The following DNAH11 variants were observed in gnomAD, a reference collection of about 807,000 sequenced individuals.
The protein encoded by DNAH11 is dynein axonemal heavy chain 11, also known as axonemal beta dynein heavy chain 11.
In DNAH11, 442 loss-of-function variants were observed where a neutral mutation model predicts 526.0. The ratio of observed to expected loss-of-function variants is 0.84; its 90% CI spans 0.78 to 0.91. DNAH11 has a LOEUF of 0.91. Among genes scored for constraint, DNAH11 ranks in the 40% least tolerant of loss-of-function variants. The pLI, the probability that DNAH11 is intolerant of heterozygous loss-of-function variation, is 0.00. For synonymous variants in DNAH11, 2,461 were observed against 1,935.9 expected, an observed-to-expected ratio of 1.27 and a Z score of -7.12; for missense variants, 6,989 against 5,448.7, an observed-to-expected ratio of 1.28 and a Z score of -8.90.
intron 54 of DNAH11, among the ~76,000 whole-genome samples, chr7:21,761,180 T>G (rs1031401604): frequency 6.6e-6 from 1 of 152,188 alleles, no homozygotes; most frequent in African/African-American, 2.4e-5. Flanking sequence ...ATGACACCAC[T>G]AGCAAGGAAA....
At chr7:21,773,441 T>C (rs1261619414) in intron 55 of DNAH11, among the ~76,000 whole-genome samples, 2 of 152,118 alleles carry the variant, frequency 1.3e-5, no homozygotes, top group African/African-American at 2.4e-5. Flanking sequence ...ATATTGTGTC[T>C]GTTTCTCCAC....
intron 66 of DNAH11, among the ~76,000 whole-genome samples, chr7:21,844,279 A>T (rs986307977): frequency 6.6e-5 from 10 of 152,168 alleles, no homozygotes; most frequent in African/African-American, 2.2e-4. Context: ...ACAAAAAATT[A>T]GCCAAGTGTG....
intron 30 of DNAH11, among the ~76,000 whole-genome samples, chr7:21,674,204 C>T (rs976736623): frequency 3.3e-5 from 5 of 151,594 alleles, no homozygotes; most frequent in East Asian, 1.9e-4. Context: ...GAGTTATAGG[C>T]GTGATCATGC....
intron 37 of DNAH11, among the ~76,000 whole-genome samples, chr7:21,703,932 T>C (rs1393299776): frequency 6.6e-6 from 1 of 152,206 alleles, no homozygotes; most frequent in East Asian, 1.9e-4. Flanking sequence ...TTTTTAAAAT[T>C]TTTGTTGGAA....
rs1276808115 is a variant in DNAH11 at position 21,617,631 on chromosome 7, C to T, written c.4108C>T (p.Leu1370Phe). ...CACTTTTCTTTAGGAAATTTGGTCACTCAACAAGGAAGTCCGCGTCTGGGA... is the reference window on the plus strand; with the variant it reads ...CACTTTTCTTTAGGAAATTTGGTCATTCAACAAGGAAGTCCGCGTCTGGGA... Reference protein sequence around the residue: ...LRRFAKEIWSLNKEVRVWDAY... With the variant: ...LRRFAKEIWSFNKEVRVWDAY... Residue 1370 changes from leucine to phenylalanine, a missense_variant, in exon 23 of 82, where the codon CTC becomes TTC. Physicochemically the swap from Leu to Phe is conservative, Grantham distance 22. Coordinates refer to ENST00000409508, the MANE Select transcript of DNAH11 (RefSeq NM_001277115.2). 3 of 1,613,732 alleles carry T rather than the reference C, an allele frequency of 1.9e-6. No homozygotes were observed. The highest frequency in any genetic ancestry group is 1.7e-5 in the Admixed American group (1 of 59,932).
chr7:21,847,131 T>C (rs544312913), intron 66 of DNAH11, among the ~76,000 whole-genome samples: 155 of 152,298 alleles, frequency 1.0e-3, no homozygotes, highest in African/African-American at 3.6e-3. Flanking sequence ...TCCTTTCAAA[T>C]AATCAGCTTT....
At chr7:21,559,457 CTCAAA>C in intron 3 of DNAH11, 141 bp from the exon 4 acceptor site, 3 of 681,156 alleles carry the variant, frequency 4.4e-6, no homozygotes, top group Non-Finnish European at 4.7e-6. Flanking sequence ...AACCCCACAA[CTCAAA>C]TCAAGACCAT....
chr7:21,608,420 T>C (rs1338745130), intron 20 of DNAH11, among the ~76,000 whole-genome samples: 1 of 152,242 alleles, frequency 6.6e-6, no homozygotes, highest in Non-Finnish European at 1.5e-5. Context: ...ATCTAGCCTG[T>C]CACCCTGATT....
intron 76 of DNAH11, among the ~76,000 whole-genome samples, chr7:21,891,929 A>G (rs1784339187): frequency 6.6e-6 from 1 of 152,250 alleles, no homozygotes; most frequent in Non-Finnish European, 1.5e-5. Flanking sequence ...CACATCATAT[A>G]TAAAATGATG....
Position 21,658,893 on chromosome 7 carries a change from G to A in DNAH11, c.5190G>A (p.Arg1730=), listed in dbSNP as rs1343191409. The A allele has an allele frequency of 1.1e-5, 18 of 1,609,588 alleles. No individual in the cohort carries two copies. Among genetic ancestry groups the A allele is most frequent in the African/African-American group, 8.0e-5 (6 of 74,818 alleles). Residue 1730 remains arginine, a synonymous_variant, in exon 30 of 82, where the codon AGG becomes AGA. Transcript: ENST00000409508. Reference sequence around the variant, plus strand: ...TAGTGGCCTACGAGGAAAAACCTAGGGAACTGTGGATTTTTGATTTCCCAG... The same window carrying A: ...TAGTGGCCTACGAGGAAAAACCTAGAGAACTGTGGATTTTTGATTTCCCAG... ...EAIVAYEEKP[R]ELWIFDFPAQ... is the part of the protein sequence containing the mutation.
intron 65 of DNAH11, among the ~76,000 whole-genome samples, chr7:21,837,094 A>G (rs1002087169): frequency 6.6e-5 from 10 of 152,172 alleles, no homozygotes; most frequent in Non-Finnish European, 1.2e-4. Flanking sequence ...AAAAAATAAC[A>G]ATTGCTAGAA....
intron 66 of DNAH11, among the ~76,000 whole-genome samples, chr7:21,846,640 C>T (rs1014540615): frequency 1.3e-5 from 2 of 152,054 alleles, no homozygotes; most frequent in African/African-American, 2.4e-5. Context: ...CAACTATGCT[C>T]ATCAGAGATA....
intron 2 of DNAH11, among the ~76,000 whole-genome samples, chr7:21,550,061 T>C (rs1782961326): frequency 6.6e-6 from 1 of 152,174 alleles, no homozygotes; most frequent in Non-Finnish European, 1.5e-5. Context: ...AGCCCATGTT[T>C]TGTTGTTAGA....
intron 77 of DNAH11, among the ~76,000 whole-genome samples, chr7:21,893,944 A>T (rs1350699457): frequency 6.6e-6 from 1 of 152,210 alleles, no homozygotes; most frequent in Non-Finnish European, 1.5e-5. Flanking sequence ...GCTGGAATGC[A>T]GTGGCACCAT....
intron 20 of DNAH11, among the ~76,000 whole-genome samples, chr7:21,612,388 T>C (rs1757625277): frequency 6.6e-6 from 1 of 151,690 alleles, no homozygotes; most frequent in Admixed American, 6.6e-5. Flanking sequence ...ACCCTGTCTC[T>C]ACTAAAAATA....
intron 23 of DNAH11, among the ~76,000 whole-genome samples, chr7:21,618,751 T>A (rs1469326813): frequency 1.3e-5 from 2 of 152,154 alleles, no homozygotes; most frequent in South Asian, 4.1e-4. Context: ...ACTACCTGAT[T>A]CCTGGGATTT....
At chr7:21,797,587 G>C (rs1432624054) in intron 61 of DNAH11, among the ~76,000 whole-genome samples, 3 of 152,196 alleles carry the variant, frequency 2.0e-5, no homozygotes, top group African/African-American at 7.2e-5. Flanking sequence ...ATTCATGTGA[G>C]ACACTAGTGC....
At chr7:21,821,406 C>T (rs1201714759) in intron 65 of DNAH11, among the ~76,000 whole-genome samples, 1 of 152,076 alleles carries the variant, frequency 6.6e-6, no homozygotes, top group Non-Finnish European at 1.5e-5. Context: ...TCTAGGGAGA[C>T]TCTGTACAGC....
intron 35 of DNAH11, among the ~76,000 whole-genome samples, chr7:21,695,971 C>T (rs939093936): frequency 1.3e-5 from 2 of 152,140 alleles, no homozygotes; most frequent in African/African-American, 4.8e-5. Context: ...GGCCAATATT[C>T]CCTTATTATC....
Sources: allele counts gnomAD v4.1 joint callset (sites outside exome capture counted in the v4.1 genomes callset), GRCh38; gene constraint gnomAD v4.1.1; transcripts MANE v1.5; gene names NCBI Gene and HGNC (gene_info 2026-07-23, HGNC 2026-07-21).